The following ARSB variants were observed in gnomAD, a reference collection of about 807,000 sequenced individuals.
The protein encoded by ARSB is N-acetylgalactosamine-4-sulfatase.
Under a neutral mutation model 50.9 loss-of-function variants are expected in ARSB, and 41 were observed. The observed-to-expected ratio is 0.81, with a 90% CI of 0.63 to 1.04. The LOEUF is 1.04. ARSB is among the 50% of genes least tolerant of loss of function. ARSB has a pLI of 0.00. For synonymous variants in ARSB, 269 were observed against 284.8 expected (o/e 0.94, Z 0.56); for missense variants, 672 against 693.3 (o/e 0.97, Z 0.35).
rs375641767 is a variant in ARSB at position 78,964,889 on chromosome 5, G to C, written c.500-283C>G. ...TTTTATCAGAGTTGAAACTCAGTAA[G>C]GGTGATAAAATCTCAATCCTTCAAA... is the stretch of plus-strand genomic sequence containing the variant. On this transcript the variant is annotated intron_variant, in intron 2 of 7. Coordinates refer to ENST00000264914, the MANE Select transcript of ARSB (RefSeq NM_000046.5). Among the ~76,000 whole-genome samples, 15 of 152,178 alleles carry C rather than the reference G, an allele frequency of 9.9e-5. No individual in the cohort carries two copies. In the East Asian group the frequency reaches 1.5e-3, roughly 16 times the overall value.
chr5:78,926,240 C>T (rs1413903525), intron 4 of ARSB, among the ~76,000 whole-genome samples: 2 of 152,184 alleles, frequency 1.3e-5, no homozygotes, highest in African/African-American at 4.8e-5. Flanking sequence ...GAAAGGATAG[C>T]ACATCACAGC....
Position 78,920,654 on chromosome 5 carries a change from C to T in ARSB, c.898+34641G>A, listed in dbSNP as rs188346213. On this transcript the variant is annotated intron_variant, in intron 4 of 7. Transcript: ENST00000264914. ...CCACCACAGGGGATGGGGTGAGCAT[C>T]CCTCGGCACCTGGACTCTTGTCCCC... is the stretch of plus-strand genomic sequence containing the variant. 1.1e-4 allele frequency among the ~76,000 whole-genome samples: 15 copies of T among 137,586 alleles called. No homozygotes were observed. The Admixed American group carries it at 1.1e-3, about 10-fold the overall frequency. 90.3% of individuals were successfully genotyped at this position (137,586 alleles called of 152,430 possible).
At chr5:78,969,330 T>A (rs1173836429) in intron 1 of ARSB, 138 bp from the exon 2 acceptor site, 1 of 912,244 alleles carries the variant, frequency 1.1e-6, no homozygotes, top group Non-Finnish European at 1.7e-6. Context: ...CTTGAGGATA[T>A]TTCTGAAAGG....
intron 4 of ARSB, among the ~76,000 whole-genome samples, chr5:78,893,317 G>A (rs115739992): frequency 0.022 from 3,326 of 152,164 alleles, 123 homozygotes; most frequent in African/African-American, 0.074. Flanking sequence ...GTGTGAAAAT[G>A]GACTAATACA....
chr5:78,871,243 A>G (rs2112151222), intron 5 of ARSB, among the ~76,000 whole-genome samples: 1 of 152,250 alleles, frequency 6.6e-6, no homozygotes, highest in Non-Finnish European at 1.5e-5. Context: ...ATACTGCCCA[A>G]GGTAATTTAC....
intron 1 of ARSB, among the ~76,000 whole-genome samples, chr5:78,973,079 A>G (rs535342908): frequency 1.8e-4 from 28 of 152,226 alleles, no homozygotes; most frequent in Non-Finnish European, 3.2e-4. Context: ...CCAACCCAGC[A>G]CTTCAGCACA....
At position 78,984,926 on chromosome 5, in the gene ARSB, G is replaced by T. The variant is rs768585880; in HGVS notation, c.312+11C>A. On this transcript the variant is annotated intron_variant, in intron 1 of 7. Coordinates refer to ENST00000264914, the MANE Select transcript of ARSB (RefSeq NM_000046.5). ...GGCGGGGGCGGCGCGGGCGGCGGGGGCGCCGCGTACCTGGTAGCGGCCAGT... is the reference window on the plus strand; with the variant it reads ...GGCGGGGGCGGCGCGGGCGGCGGGGTCGCCGCGTACCTGGTAGCGGCCAGT... 13 of 1,336,708 alleles carry T rather than the reference G, an allele frequency of 9.7e-6. No individual in the cohort carries two copies. The highest frequency in any genetic ancestry group is 1.2e-5 in the Non-Finnish European group (13 of 1,045,632). The allele number at this position is 1,336,708 out of a possible 1,614,324, so 82.8% of individuals were successfully genotyped here.
chr5:78,802,724 C>T (rs182122772), intron 6 of ARSB, among the ~76,000 whole-genome samples: 2 of 152,326 alleles, frequency 1.3e-5, no homozygotes, highest in Admixed American at 1.3e-4. Context: ...CCTTAGACAT[C>T]ATCTAACCTG....
At position 78,964,443 on chromosome 5, in the gene ARSB, G is replaced by T. The variant is rs534594272; in HGVS notation, c.663C>A (p.Ala221=). Reference sequence around the variant, plus strand: ...TCTCTGGTGGATGGTTAGTTATGAGGGCTATAGCCCTTTTGGTGAATATGT... The same window carrying T: ...TCTCTGGTGGATGGTTAGTTATGAGTGCTATAGCCCTTTTGGTGAATATGT... The part of the protein sequence containing the change: ...STNIFTKRAI[A]LITNHPPEKP... The change falls in exon 3 of 8, where the codon GCC becomes GCA. Residue 221 remains alanine, a synonymous_variant. Transcript: ENST00000264914. The T allele has an allele frequency of 1.2e-6, 2 of 1,613,830 alleles. No individual in the cohort carries two copies. The highest frequency in any genetic ancestry group is 2.7e-5 in the African/African-American group (2 of 74,916).
At chr5:78,925,442 G>C (rs147546317) in intron 4 of ARSB, among the ~76,000 whole-genome samples, 2 of 152,170 alleles carry the variant, frequency 1.3e-5, no homozygotes, top group Non-Finnish European at 1.5e-5. Context: ...GCTTCACAGG[G>C]ACTTTGCCTC....
rs898602055 is a variant in ARSB at position 78,855,503 on chromosome 5, G to A, written c.1143-16077C>T. ...TGGGGATGTCAGGCCATTGGGCTGG[G>A]GCAGTTCAGCAATGGCTTAGCCTCA... On this transcript the variant is annotated intron_variant, in intron 5 of 7. Transcript: ENST00000264914. Among the ~76,000 whole-genome samples the A allele has an allele frequency of 2.6e-5, 4 of 152,268 alleles. No individual in the cohort carries two copies. In the East Asian group the frequency reaches 7.7e-4, roughly 29 times the overall value.
intron 6 of ARSB, among the ~76,000 whole-genome samples, chr5:78,821,464 G>T (rs1440807603): frequency 6.6e-6 from 1 of 152,148 alleles, no homozygotes; most frequent in East Asian, 1.9e-4. Context: ...GTATGGCTGT[G>T]TTTAAACAAA....
intron 4 of ARSB, among the ~76,000 whole-genome samples, chr5:78,950,276 AT>A (rs377077746): frequency 3.9e-4 from 60 of 152,330 alleles, no homozygotes; most frequent in African/African-American, 1.4e-3. Context: ...ACAGCTTATA[AT>A]GCCAGAATCT....
intron 6 of ARSB, among the ~76,000 whole-genome samples, chr5:78,824,906 T>G (rs934951551): frequency 6.6e-6 from 1 of 152,228 alleles, no homozygotes; most frequent in Admixed American, 6.5e-5. Context: ...GGTAATATAC[T>G]GCATTTTGAC....
chr5:78,852,425 T>C (rs1469177163), intron 5 of ARSB, among the ~76,000 whole-genome samples: 1 of 152,206 alleles, frequency 6.6e-6, no homozygotes, highest in Admixed American at 6.5e-5. Flanking sequence ...CCAAGAGATC[T>C]GCTGTTAGTC....
chr5:78,812,706 T>C (rs548555125), intron 6 of ARSB, among the ~76,000 whole-genome samples: 4 of 151,948 alleles, frequency 2.6e-5, no homozygotes, highest in South Asian at 4.2e-4. Context: ...TTAATAATAA[T>C]TGATGGGCTG....
chr5:78,826,019 A>G lies in ARSB; in HGVS notation c.1213+13337T>C, dbSNP rs567973850. On this transcript the variant is annotated intron_variant, in intron 6 of 7. Transcript: ENST00000264914. ...TTTCCATAGATCTTTTTTAAAGGTT[A>G]AAAAAGTTAACCCCATGTCTTTCCT... 3.3e-5 allele frequency among the ~76,000 whole-genome samples: 5 copies of G among 152,050 alleles called. No individual in the cohort carries two copies. In the South Asian group the frequency reaches 6.2e-4, roughly 19 times the overall value.
In ARSB at chr5:78,896,875, A is replaced by T. The variant is rs909012595; in HGVS notation, c.899-11048T>A. 4.8e-4 allele frequency among the ~76,000 whole-genome samples: 73 copies of T among 151,960 alleles called. 1 individual carries two copies. Among genetic ancestry groups the T allele is most frequent in the Admixed American group, 2.0e-4 (3 of 15,260 alleles). On this transcript the variant is annotated intron_variant, in intron 4 of 7. Transcript: ENST00000264914. ...CAATACTGTAACTATATGTCTAATT[A>T]AAAAAAATAACTCTCAGTGTAATAC... is the stretch of plus-strand genomic sequence containing the variant.
At chr5:78,917,938 C>T (rs1369451874) in intron 4 of ARSB, among the ~76,000 whole-genome samples, 3 of 152,186 alleles carry the variant, frequency 2.0e-5, no homozygotes, top group Non-Finnish European at 4.4e-5. Context: ...AGAGAACAGA[C>T]CAAGAGACAG....
Sources: gnomAD v4.1 joint callset for allele counts (sites outside exome capture counted in the v4.1 genomes callset) on GRCh38, gnomAD v4.1.1 for gene constraint, MANE v1.5 for transcripts, NCBI Gene and HGNC (gene_info 2026-07-23, HGNC 2026-07-21) for gene names.